Variants in RALYL observed in about 807,000 individuals in gnomAD.
The protein encoded by RALYL is RALY RNA binding protein like.
In RALYL, 29 loss-of-function variants were observed where a neutral mutation model predicts 35.1. That is an observed-to-expected ratio of 0.83 (90% CI 0.61 to 1.13). The LOEUF (loss-of-function observed/expected upper bound fraction) is 1.13, where lower values mean the gene tolerates loss of function less well. Ranked by LOEUF, RALYL falls within the 50% of genes most tolerant of loss-of-function variation. The pLI is 0.00. For missense variants in RALYL, 359 were observed against 360.4 expected (o/e 1.00, Z 0.03); for synonymous variants, 120 against 127.6 (o/e 0.94, Z 0.40).
intron 2 of RALYL, among the ~76,000 whole-genome samples, chr8:84,594,989 G>C (rs892981030): frequency 5.3e-5 from 8 of 151,992 alleles, no homozygotes; most frequent in Admixed American, 2.0e-4. Context: ...ATGGATGTTA[G>C]AGCAAACTAA....
At chr8:84,237,982 A>AAGAAGAAAAAAGTGCAAAAACAAAAC (rs1430677844) in intron 1 of RALYL, among the ~76,000 whole-genome samples, 2 of 146,404 alleles carry the variant, frequency 1.4e-5, no homozygotes, top group African/African-American at 5.0e-5. Flanking sequence ...ATCTAAAAAA[A>AAGAAGAAAAAAGTGCAAAAACAAAAC]AGAAGAAAAA....
intron 1 of RALYL, among the ~76,000 whole-genome samples, chr8:84,366,857 CATG>C (rs1854409493): frequency 6.9e-6 from 1 of 144,190 alleles, no homozygotes; most frequent in Non-Finnish European, 1.5e-5. Context: ...TATACAAACA[CATG>C]ATAACAGCTG....
chr8:84,786,941 A>G (rs968432072), intron 3 of RALYL, among the ~76,000 whole-genome samples: 1 of 152,316 alleles, frequency 6.6e-6, no homozygotes, highest in Admixed American at 6.5e-5. Context: ...ATATGCAGAG[A>G]AAAAAATAGA....
intron 2 of RALYL, among the ~76,000 whole-genome samples, chr8:84,693,442 A>G (rs1046075451): frequency 1.3e-5 from 2 of 151,952 alleles, no homozygotes; most frequent in Non-Finnish European, 2.9e-5. Flanking sequence ...CAAGAATAGC[A>G]TGGAAGTAAC....
chr8:84,214,021 C>G (rs1223511048), intron 1 of RALYL, among the ~76,000 whole-genome samples: 2 of 152,078 alleles, frequency 1.3e-5, no homozygotes, highest in Non-Finnish European at 2.9e-5. Flanking sequence ...AGTATTAGCA[C>G]ATTATTTGGT....
chr8:84,680,608 G>A (rs373116418), intron 2 of RALYL, among the ~76,000 whole-genome samples: 2 of 151,990 alleles, frequency 1.3e-5, no homozygotes, highest in Non-Finnish European at 2.9e-5. Flanking sequence ...AGTGATGATG[G>A]GCATTTTTTC....
intron 8 of RALYL, among the ~76,000 whole-genome samples, chr8:84,906,689 TA>T (rs112161041): frequency 0.052 from 7,504 of 144,080 alleles, 534 homozygotes; most frequent in African/African-American, 0.17. Flanking sequence ...GTTAATTGAT[TA>T]AAAAAAAAAA....
chr8:84,639,001 C>CAG (rs1825759604), intron 2 of RALYL, among the ~76,000 whole-genome samples: 1 of 134,050 alleles, frequency 7.5e-6, no homozygotes, highest in Non-Finnish European at 1.6e-5. Context: ...CACACACACA[C>CAG]AGATGGGATG....
At chr8:84,896,934 A>G (rs112676227) in intron 8 of RALYL, among the ~76,000 whole-genome samples, 34 of 152,326 alleles carry the variant, frequency 2.2e-4, no homozygotes, top group African/African-American at 7.9e-4. Context: ...TCAGATAAAT[A>G]GTAAATGATT....
At chr8:84,607,243 A>T (rs982958886) in intron 2 of RALYL, among the ~76,000 whole-genome samples, 1 of 151,976 alleles carries the variant, frequency 6.6e-6, no homozygotes, top group African/African-American at 2.4e-5. Flanking sequence ...TACATATCAC[A>T]TTCTTACAGA....
At chr8:84,870,711 G>A (rs1274585123) in intron 6 of RALYL, among the ~76,000 whole-genome samples, 1 of 151,998 alleles carries the variant, frequency 6.6e-6, no homozygotes, top group Non-Finnish European at 1.5e-5. Context: ...GCAGAAGAGA[G>A]CTAGAAAGAG....
intron 2 of RALYL, among the ~76,000 whole-genome samples, chr8:84,771,468 G>T (rs1815510018): frequency 6.6e-6 from 1 of 152,136 alleles, no homozygotes; most frequent in East Asian, 1.9e-4. Flanking sequence ...AGAAACTGAT[G>T]AATTATTTTT....
At chr8:84,316,387 A>G (rs1563722205) in intron 1 of RALYL, among the ~76,000 whole-genome samples, 1 of 152,168 alleles carries the variant, frequency 6.6e-6, no homozygotes, top group Non-Finnish European at 1.5e-5. Flanking sequence ...AGGTTTAAAA[A>G]TGAGGAAGCT....
rs778710394 is a variant in RALYL at position 84,849,130 on chromosome 8, A to AG, written c.366-849dup. Among the ~76,000 whole-genome samples the AG allele has an allele frequency of 6.6e-5, 10 of 152,344 alleles. No individual in the cohort carries two copies. The East Asian group carries it at 9.6e-4, about 15-fold the overall frequency. On this transcript the variant is annotated intron_variant, in intron 4 of 8. Transcript: ENST00000521268. ...CTTCGTAAATTCAAACAACAAGGCA[A>AG]GTGGATGGAGGTGACTTTTTAAAAT...
At chr8:84,694,529 T>C (rs1838744514) in intron 2 of RALYL, among the ~76,000 whole-genome samples, 1 of 151,766 alleles carries the variant, frequency 6.6e-6, no homozygotes, top group Non-Finnish European at 1.5e-5. Flanking sequence ...AAATGACTAC[T>C]CAAAGCAATC....
intron 1 of RALYL, among the ~76,000 whole-genome samples, chr8:84,412,198 T>C (rs2044175360): frequency 6.6e-6 from 1 of 151,842 alleles, no homozygotes; most frequent in Non-Finnish European, 1.5e-5. Context: ...AATACAAAGA[T>C]ACAAATCAAA....
intron 2 of RALYL, among the ~76,000 whole-genome samples, chr8:84,652,344 G>C (rs1829021774): frequency 6.6e-6 from 1 of 152,010 alleles, no homozygotes; most frequent in African/African-American, 2.4e-5. Context: ...CGATTGGTAT[G>C]ATTTTAGTTA....
chr8:84,542,087 G>A (rs1483670198), intron 2 of RALYL, among the ~76,000 whole-genome samples: 1 of 151,842 alleles, frequency 6.6e-6, no homozygotes, highest in Non-Finnish European at 1.5e-5. Flanking sequence ...TTTTAAATTT[G>A]TTCCATGTAC....
At chr8:84,517,687 C>T (rs759826339) in intron 1 of RALYL, among the ~76,000 whole-genome samples, 14 of 152,228 alleles carry the variant, frequency 9.2e-5, no homozygotes, top group South Asian at 2.1e-4. Context: ...AGATGTAAAA[C>T]GTCCTTGGAT....
Sources: allele counts gnomAD v4.1 joint callset (sites outside exome capture counted in the v4.1 genomes callset), GRCh38; gene constraint gnomAD v4.1.1; transcripts MANE v1.5; gene names NCBI Gene and HGNC (gene_info 2026-07-23, HGNC 2026-07-21).